UVRAG: variants seen among roughly 807,000 people sequenced by gnomAD.
UVRAG encodes UV radiation resistance-associated gene protein.
UVRAG carries 19 observed loss-of-function variants against 78.0 expected under a neutral mutation model. That is an observed-to-expected ratio of 0.24 (90% confidence interval 0.17 to 0.36). The LOEUF is 0.36. Ranked by LOEUF, UVRAG falls within the 10% of genes least tolerant of loss-of-function variation. The probability of loss-of-function intolerance (pLI) is 1.00; values close to 1 mark genes in which losing one functional copy is unlikely to be tolerated. For missense variants in UVRAG, 740 were observed against 853.8 expected (o/e 0.87, Z 1.66); for synonymous variants, 323 against 324.6 (o/e 1.00, Z 0.05).
At chr11:75,916,938 C>G (rs935700728) in intron 6 of UVRAG, among the ~76,000 whole-genome samples, 2 of 152,190 alleles carry the variant, frequency 1.3e-5, no homozygotes, top group Admixed American at 1.3e-4. Context: ...AAAAATACCT[C>G]AAGCACCAGT....
At chr11:76,105,739 C>A (rs1010136985) in intron 13 of UVRAG, among the ~76,000 whole-genome samples, 3 of 152,118 alleles carry the variant, frequency 2.0e-5, no homozygotes, top group African/African-American at 4.8e-5. Context: ...TAGAATGACA[C>A]CCTGTCTCAA....
Position 75,815,449 on chromosome 11 carries a change from A to AC in UVRAG, c.47dup (p.Ala19GlyfsTer37). 8.0e-7 allele frequency: 1 copy of AC among 1,247,216 alleles called. No individual in the cohort carries two copies. The highest frequency in any genetic ancestry group is 1.0e-6 in the Non-Finnish European group (1 of 995,322). 77.3% of individuals were successfully genotyped at this position (1,247,216 alleles called of 1,614,324 possible). On this transcript the variant is annotated frameshift_variant, in exon 1 of 15. Coordinates refer to ENST00000356136, the MANE Select transcript of UVRAG (RefSeq NM_003369.4). LOFTEE classifies it high-confidence loss of function. Reference sequence around the variant, plus strand: ...CGGTCGGGGGCCCCGTCCCCCAGCCACCCCCGGGCCCGGCCGCTGCTCTGC... The same window carrying AC: ...CGGTCGGGGGCCCCGTCCCCCAGCCACCCCCCGGGCCCGGCCGCTGCTCTGC...
intron 1 of UVRAG, among the ~76,000 whole-genome samples, chr11:75,833,031 G>A (rs376783272): frequency 3.1e-4 from 47 of 152,286 alleles, no homozygotes; most frequent in African/African-American, 1.0e-3. Flanking sequence ...AAAGGGTCAC[G>A]TATGCCGTGA....
intron 7 of UVRAG, among the ~76,000 whole-genome samples, chr11:75,962,438 C>T (rs1948927320): frequency 2.0e-5 from 3 of 152,280 alleles, no homozygotes; most frequent in South Asian, 4.1e-4. Context: ...CTTAACCTTA[C>T]AGAAACTTCT....
chr11:75,920,055 T>A (rs1947946265), intron 6 of UVRAG, among the ~76,000 whole-genome samples: 1 of 121,216 alleles, frequency 8.2e-6, no homozygotes, highest in Non-Finnish European at 1.6e-5. Context: ...GGACGAAGTC[T>A]CGCTCTGTTG....
At chr11:76,067,097 T>C (rs571872592) in intron 13 of UVRAG, among the ~76,000 whole-genome samples, 38 of 152,320 alleles carry the variant, frequency 2.5e-4, no homozygotes, top group African/African-American at 8.9e-4. Context: ...GTGGAGATTT[T>C]TTTAATTTGT....
In UVRAG at chr11:75,871,924, A is replaced by T. The variant is rs187317263; in HGVS notation, c.271-7955A>T. Among the ~76,000 whole-genome samples the T allele has an allele frequency of 1.2e-4, 18 of 152,326 alleles. No homozygotes were observed. In the East Asian group the frequency reaches 3.3e-3, roughly 28 times the overall value. ...TGTTGTGGTTTTAGTTTAGTTTAAT[A>T]TGGTATTATGATATTTATGTTGTGG... On this transcript the variant is annotated intron_variant, in intron 3 of 14. Coordinates refer to ENST00000356136, the MANE Select transcript of UVRAG (RefSeq NM_003369.4).
chr11:75,954,277 A>G (rs1948755090), intron 6 of UVRAG, among the ~76,000 whole-genome samples: 1 of 152,222 alleles, frequency 6.6e-6, no homozygotes, highest in Non-Finnish European at 1.5e-5. Context: ...AGTGAGAGCC[A>G]AATAGTTGAA....
chr11:75,852,065 T>A, intron 2 of UVRAG, 65 bp downstream of exon 2: 1 of 1,106,378 alleles, frequency 9.0e-7, no homozygotes, highest in Non-Finnish European at 1.3e-6. Context: ...GTAACACAAG[T>A]GATTCTCAGT....
intron 14 of UVRAG, among the ~76,000 whole-genome samples, chr11:76,128,231 TC>T (rs1654485569): frequency 6.6e-6 from 1 of 152,092 alleles, no homozygotes; most frequent in African/African-American, 2.4e-5. Context: ...CAGCATTAGA[TC>T]CTCATAGGAG....
chr11:76,055,367 C>T (rs1399307903), intron 12 of UVRAG, among the ~76,000 whole-genome samples: 3 of 152,132 alleles, frequency 2.0e-5, no homozygotes, highest in South Asian at 4.1e-4. Context: ...TTATTATTTA[C>T]TATTAGCTAA....
At chr11:76,029,606 G>A (rs1426332010) in intron 12 of UVRAG, among the ~76,000 whole-genome samples, 1 of 152,138 alleles carries the variant, frequency 6.6e-6, no homozygotes, top group Admixed American at 6.6e-5. Context: ...ACTATTTCAT[G>A]ATAAAAGTTT....
Position 76,083,605 on chromosome 11 carries a change from A to G in UVRAG, c.1305+17817A>G, listed in dbSNP as rs1176187390. 1.3e-5 allele frequency among the ~76,000 whole-genome samples: 2 copies of G among 152,232 alleles called. 1 individual carries two copies. Among genetic ancestry groups the G allele is most frequent in the East Asian group, 3.8e-4 (2 of 5,202 alleles). On this transcript the variant is annotated intron_variant, in intron 13 of 14. Coordinates refer to ENST00000356136, the MANE Select transcript of UVRAG (RefSeq NM_003369.4). ...CAATGTCTACATTTTTAATACACTA[A>G]TTGTGGTGGTCACTCTATACAAAGT...
chr11:75,974,164 C>T (rs1179881812), intron 7 of UVRAG, among the ~76,000 whole-genome samples: 1 of 152,100 alleles, frequency 6.6e-6, no homozygotes, highest in Admixed American at 6.6e-5. Flanking sequence ...GTTTACAGTC[C>T]CACCAACAGT....
intron 11 of UVRAG, among the ~76,000 whole-genome samples, chr11:76,013,494 C>T (rs1454091064): frequency 6.6e-6 from 1 of 152,188 alleles, no homozygotes; most frequent in Non-Finnish European, 1.5e-5. Context: ...GCATAAGGTA[C>T]ACAAACTTCT....
At chr11:75,984,467 G>A (rs1591095273) in intron 8 of UVRAG, among the ~76,000 whole-genome samples, 2 of 152,282 alleles carry the variant, frequency 1.3e-5, no homozygotes, top group East Asian at 1.9e-4. Context: ...CAGTAGGTTA[G>A]GTGTATTAAA....
chr11:75,833,808 T>C (rs567780446), intron 1 of UVRAG, among the ~76,000 whole-genome samples: 2 of 152,372 alleles, frequency 1.3e-5, no homozygotes, highest in South Asian at 4.1e-4. Context: ...AGCAGGAGCA[T>C]GTCCTTAAGG....
chr11:75,829,539 A>C (rs1289737838), intron 1 of UVRAG, among the ~76,000 whole-genome samples: 1 of 152,220 alleles, frequency 6.6e-6, no homozygotes, highest in Non-Finnish European at 1.5e-5. Context: ...TGTAAATGCC[A>C]GAGACTGTTT....
In UVRAG at chr11:76,131,255, C is replaced by T. The variant is rs568672418; in HGVS notation, c.1398-9456C>T. Among the ~76,000 whole-genome samples, 3 of 152,270 alleles carry T rather than the reference C, an allele frequency of 2.0e-5. No individual in the cohort carries two copies. In the South Asian group the frequency reaches 6.2e-4, roughly 32 times the overall value. On this transcript the variant is annotated intron_variant, in intron 14 of 14. Coordinates refer to ENST00000356136, the MANE Select transcript of UVRAG (RefSeq NM_003369.4). ...TGGTTGACTTGACCCCTCCCAGGAC[C>T]TCTCTTTATCTCCGTGGAGGATCAC... is the stretch of plus-strand genomic sequence containing the variant.
Sources: allele counts gnomAD v4.1 joint callset (sites outside exome capture counted in the v4.1 genomes callset), GRCh38; gene constraint gnomAD v4.1.1; transcripts MANE v1.5; gene names NCBI Gene and HGNC (gene_info 2026-07-23, HGNC 2026-07-21).